ZNF331: variants seen among roughly 807,000 people sequenced by gnomAD.
ZNF331 encodes the protein C2H2-like zinc finger protein rearranged in thyroid adenomas.
In ZNF331, 2 loss-of-function variants were observed where a neutral mutation model predicts 7.0. The observed-to-expected ratio is 0.29, with a 90% CI of 0.12 to 0.90. The LOEUF is 0.90. Ranked by LOEUF, ZNF331 falls within the 40% of genes least tolerant of loss-of-function variation. The pLI is 0.58. For synonymous variants in ZNF331, 196 were observed against 205.4 expected, an observed-to-expected ratio of 0.95 and a Z score of 0.39; for missense variants, 432 against 587.7, an observed-to-expected ratio of 0.74 and a Z score of 2.74.
chr19:53,510,855 TA>T, the ZNF331 span, among the ~76,000 whole-genome samples: 1 of 152,358 alleles, frequency 6.6e-6, no homozygotes, highest in East Asian at 1.9e-4. Flanking sequence ...ATTTAATTCT[TA>T]TATACATTTA....
At chr19:53,551,122 C>T (rs1460336919) in intron 2 of ZNF331, among the ~76,000 whole-genome samples, 8 of 151,986 alleles carry the variant, frequency 5.3e-5, no homozygotes, top group Non-Finnish European at 8.8e-5. Flanking sequence ...TGAGCCACTG[C>T]GCCTGGCCAA....
the ZNF331 span, among the ~76,000 whole-genome samples, chr19:53,506,296 C>A: frequency 9.0e-6 from 1 of 110,810 alleles, no homozygotes; most frequent in Non-Finnish European, 1.9e-5. Flanking sequence ...GATCGCGCCA[C>A]CGCACTCCAG....
intron 2 of ZNF331, among the ~76,000 whole-genome samples, chr19:53,549,199 CT>C (rs1474959056): frequency 6.6e-6 from 1 of 152,174 alleles, no homozygotes; most frequent in Admixed American, 6.6e-5. Flanking sequence ...AGAGATCGTC[CT>C]TTCCCCATTG....
chr19:53,559,637 T>C (rs1275025159), intron 3 of ZNF331, among the ~76,000 whole-genome samples: 6 of 135,070 alleles, frequency 4.4e-5, no homozygotes, highest in Admixed American at 3.9e-4. Flanking sequence ...TACACACACA[T>C]CCCATATATA....
chr19:53,559,348 A>C (rs1600400254), intron 3 of ZNF331, among the ~76,000 whole-genome samples: 1 of 151,090 alleles, frequency 6.6e-6, no homozygotes, highest in East Asian at 1.9e-4. Context: ...ACACATATAC[A>C]CACCATACAC....
chr19:53,515,655 G>A (rs150302274), upstream of ZNF331, among the ~76,000 whole-genome samples: 1,209 of 152,174 alleles, frequency 7.9e-3, 6 homozygotes, highest in Non-Finnish European at 0.012. Context: ...GTGCCACCAC[G>A]CCCGGCTAAT....
chr19:53,552,199 T>C (rs2089055327), intron 2 of ZNF331, among the ~76,000 whole-genome samples: 1 of 152,202 alleles, frequency 6.6e-6, no homozygotes, highest in African/African-American at 2.4e-5. Context: ...GTTTGGCATC[T>C]TCTAAGATCA....
chr19:53,551,662 TAGG>T (rs905404792), intron 2 of ZNF331, among the ~76,000 whole-genome samples: 1 of 152,076 alleles, frequency 6.6e-6, no homozygotes, highest in Non-Finnish European at 1.5e-5. Context: ...GGAAAAAAAA[TAGG>T]AGGTTTGCAT....
intron 2 of ZNF331, among the ~76,000 whole-genome samples, chr19:53,530,066 GA>G: frequency 6.6e-6 from 1 of 152,178 alleles, no homozygotes; most frequent in East Asian, 1.9e-4. Context: ...GGCTTCTAGG[GA>G]GGCCTCAGGA....
chr19:53,559,074 A>G (rs969620589), intron 3 of ZNF331, among the ~76,000 whole-genome samples: 3 of 151,424 alleles, frequency 2.0e-5, no homozygotes, highest in African/African-American at 7.3e-5. Flanking sequence ...CCCCGTATAC[A>G]CACATATACA....
At chr19:53,527,329 G>A (rs997841902) in intron 2 of ZNF331, among the ~76,000 whole-genome samples, 1 of 152,172 alleles carries the variant, frequency 6.6e-6, no homozygotes, top group Admixed American at 6.5e-5. Flanking sequence ...CATAACAAGT[G>A]TATCTCAAAA....
Position 53,558,114 on chromosome 19 carries a change from C to CAGT in ZNF331, c.-74+2206_-74+2207insAGT, listed in dbSNP as rs1841550793. On this transcript the variant is annotated intron_variant, in intron 3 of 5. Coordinates refer to ENST00000449416, the MANE Select transcript of ZNF331 (RefSeq NM_001079906.2). The surrounding 1 kb of genome is among the most constrained non-coding windows in gnomAD (Gnocchi z 4.5). Reference sequence around the variant, plus strand: ...TGTGAGCAAGACTGTCCCACTCTGCCCCACTAGCCACAAGACCAGGCCTCT... The same window carrying CAGT: ...TGTGAGCAAGACTGTCCCACTCTGCCAGTCCACTAGCCACAAGACCAGGCCTCT... Among the ~76,000 whole-genome samples the CAGT allele has an allele frequency of 6.6e-6, 1 of 152,104 alleles. No individual in the cohort carries two copies. Among genetic ancestry groups the CAGT allele is most frequent in the African/African-American group, 2.4e-5 (1 of 41,420 alleles).
At chr19:53,543,020 G>T (rs984250072) in intron 2 of ZNF331, among the ~76,000 whole-genome samples, 1 of 152,090 alleles carries the variant, frequency 6.6e-6, no homozygotes, top group African/African-American at 2.4e-5. Context: ...TGTTGGTCAG[G>T]CTGGTCTTGA....
At chr19:53,537,005 A>G (rs2087781710), upstream of ZNF331, among the ~76,000 whole-genome samples, 2 of 152,220 alleles carry the variant, frequency 1.3e-5, no homozygotes, top group Non-Finnish European at 2.9e-5. Flanking sequence ...ATTATATACT[A>G]CAATCACCAG....
At chr19:53,535,571 A>T (rs2087714282), upstream of ZNF331, among the ~76,000 whole-genome samples, 1 of 152,198 alleles carries the variant, frequency 6.6e-6, no homozygotes, top group Non-Finnish European at 1.5e-5. Context: ...AATCCAGCCC[A>T]ACCACGGGTC....
At chr19:53,513,240 G>A in the ZNF331 span, among the ~76,000 whole-genome samples, 2 of 152,020 alleles carry the variant, frequency 1.3e-5, no homozygotes, top group Admixed American at 6.6e-5. Context: ...TACGGCTGAC[G>A]TGCCTTGGCT....
intron 2 of ZNF331, among the ~76,000 whole-genome samples, chr19:53,546,791 CAG>C (rs1186524601): frequency 5.3e-5 from 8 of 152,210 alleles, no homozygotes; most frequent in African/African-American, 1.9e-4. Flanking sequence ...TCATCAAAGG[CAG>C]AGATGTTTTT....
At chr19:53,508,364 TCAC>T in the ZNF331 span, among the ~76,000 whole-genome samples, 1 of 152,208 alleles carries the variant, frequency 6.6e-6, no homozygotes, top group Non-Finnish European at 1.5e-5. Flanking sequence ...CTCATTCATG[TCAC>T]CTTTTAGACT....
chr19:53,541,238 T>C (rs537103762), intron 2 of ZNF331, among the ~76,000 whole-genome samples: 1 of 151,914 alleles, frequency 6.6e-6, no homozygotes, highest in African/African-American at 2.4e-5. Flanking sequence ...CCTGAGTAGC[T>C]TGGATTACAG....
Sources: allele counts gnomAD v4.1 joint callset (sites outside exome capture counted in the v4.1 genomes callset), GRCh38; gene constraint gnomAD v4.1.1; non-coding constraint Gnocchi (gnomAD v3.1); transcripts MANE v1.5; gene names NCBI Gene and HGNC (gene_info 2026-07-23, HGNC 2026-07-21).